The following CLDN14 variants were observed in gnomAD, a reference collection of about 807,000 sequenced individuals.
CLDN14 encodes the protein claudin 14, also known as claudin-14.
CLDN14 carries 2 observed loss-of-function variants against 2.1 expected under a neutral mutation model. The ratio of observed to expected loss-of-function variants is 0.96; its 90% CI spans 0.39 to 3.01. CLDN14 has a LOEUF of 3.01. Among genes scored for constraint, CLDN14 ranks in the 30% most tolerant of loss-of-function variants. The probability of loss-of-function intolerance (pLI) is 0.09; values close to 1 mark genes in which losing one functional copy is unlikely to be tolerated. For missense variants in CLDN14, 298 were observed against 328.0 expected (o/e 0.91, Z 0.71); for synonymous variants, 136 against 154.4 (o/e 0.88, Z 0.88).
intron 1 of CLDN14, among the ~76,000 whole-genome samples, chr21:36,558,074 CAAA>C (rs2087611220): frequency 6.6e-6 from 1 of 152,110 alleles, no homozygotes; most frequent in Admixed American, 6.5e-5. Context: ...TCACCCTTGT[CAAA>C]AATCAGTTGA....
intron 1 of CLDN14, among the ~76,000 whole-genome samples, chr21:36,462,951 A>C (rs1216048533): frequency 3.3e-5 from 5 of 151,614 alleles, no homozygotes; most frequent in Non-Finnish European, 4.4e-5. Context: ...ACAAAAAAAA[A>C]CACTAGGAAA....
At chr21:36,475,688 C>T (rs2086769650) in intron 1 of CLDN14, among the ~76,000 whole-genome samples, 1 of 152,200 alleles carries the variant, frequency 6.6e-6, no homozygotes, top group Non-Finnish European at 1.5e-5. Flanking sequence ...GTAGCTGGAA[C>T]TTCAGGTGTG....
chr21:36,482,350 ATGGATGGATG>A (rs1378358247), upstream of CLDN14, among the ~76,000 whole-genome samples: 1 of 149,542 alleles, frequency 6.7e-6, no homozygotes, highest in Non-Finnish European at 1.5e-5. Flanking sequence ...GGATGGATGG[ATGGATGGATG>A]GATAGACTGA....
chr21:36,502,627 G>A (rs1208300996), intron 2 of CLDN14, among the ~76,000 whole-genome samples: 1 of 152,148 alleles, frequency 6.6e-6, no homozygotes, highest in Non-Finnish European at 1.5e-5. Context: ...ATAATGTTGG[G>A]TGTGTAAGAA....
intron 1 of CLDN14, among the ~76,000 whole-genome samples, chr21:36,576,144 T>C (rs926131672): frequency 2.0e-5 from 3 of 152,086 alleles, no homozygotes; most frequent in African/African-American, 7.2e-5. Context: ...CCCAGATATA[T>C]AAACCTGCCT....
At chr21:36,511,466 A>G (rs2087186111) in intron 1 of CLDN14, among the ~76,000 whole-genome samples, 1 of 152,294 alleles carries the variant, frequency 6.6e-6, no homozygotes, top group African/African-American at 2.4e-5. Context: ...TCCATAATCA[A>G]TAGTAGTTTA....
chr21:36,565,421 C>CTT (rs35387904), intron 1 of CLDN14, among the ~76,000 whole-genome samples: 111,644 of 149,598 alleles, frequency 0.75, 42,891 homozygotes, highest in Non-Finnish European at 0.86. Flanking sequence ...TTTCCCAAAT[C>CTT]TTTTTTTTTT....
At chr21:36,525,694 C>A (rs966971824) in intron 1 of CLDN14, among the ~76,000 whole-genome samples, 1 of 152,162 alleles carries the variant, frequency 6.6e-6, no homozygotes, top group African/African-American at 2.4e-5. Flanking sequence ...GTGTGCTGGG[C>A]AGATGCCCTC....
chr21:36,561,816 C>A (rs1300142268), intron 1 of CLDN14, among the ~76,000 whole-genome samples: 3 of 152,150 alleles, frequency 2.0e-5, no homozygotes, highest in African/African-American at 4.8e-5. Flanking sequence ...TCTTCTAGGG[C>A]TGGAAGGAGC....
intron 1 of CLDN14, 30 bp from the exon 2 acceptor site, chr21:36,461,806 G>C: frequency 7.0e-7 from 1 of 1,421,868 alleles, no homozygotes; most frequent in Non-Finnish European, 9.5e-7. Flanking sequence ...CGGGAGCAGG[G>C]AGAGAAAGGA....
At chr21:36,568,904 T>G (rs544075272) in intron 1 of CLDN14, among the ~76,000 whole-genome samples, 1 of 152,236 alleles carries the variant, frequency 6.6e-6, no homozygotes, top group Non-Finnish European at 1.5e-5. Context: ...TCAACTTATT[T>G]GATTAACCAG....
intron 2 of CLDN14, among the ~76,000 whole-genome samples, chr21:36,500,172 C>T (rs544116930): frequency 2.0e-4 from 30 of 152,214 alleles, no homozygotes; most frequent in Middle Eastern, 6.8e-3. Context: ...AGCCTAACAC[C>T]AGCCCCAGCA....
intron 1 of CLDN14, among the ~76,000 whole-genome samples, chr21:36,539,624 G>A (rs2087466165): frequency 6.7e-6 from 1 of 149,174 alleles, no homozygotes; most frequent in Non-Finnish European, 1.5e-5. Context: ...TGGAGTGTGT[G>A]TGGAGTGAGT....
At chr21:36,500,272 G>A (rs2087081734) in intron 2 of CLDN14, among the ~76,000 whole-genome samples, 1 of 152,134 alleles carries the variant, frequency 6.6e-6, no homozygotes. Context: ...GCTCGCCTGA[G>A]GTCAGGCTGG....
At chr21:36,534,915 C>T (rs1242451586) in intron 1 of CLDN14, among the ~76,000 whole-genome samples, 1 of 152,162 alleles carries the variant, frequency 6.6e-6, no homozygotes, top group Non-Finnish European at 1.5e-5. Context: ...CCAGCGTAAT[C>T]TAACCATCAC....
chr21:36,460,912 C>T lies in CLDN14; in HGVS notation c.*64G>A. 1.3e-6 allele frequency: 2 copies of T among 1,572,196 alleles called. No individual in the cohort carries two copies. The highest frequency in any genetic ancestry group is 1.7e-6 in the Non-Finnish European group (2 of 1,156,268). On this transcript the variant is annotated 3_prime_UTR_variant, in exon 2 of 2. Coordinates refer to ENST00000399135, the MANE Select transcript of CLDN14 (RefSeq NM_001146079.2). This position sits in a 1 kb window ranked among gnomAD's most constrained non-coding sequence, Gnocchi z 4.0. ...AAACTTTGTGCTGGAACCCCTGCCT[C>T]CATTGACAGTCCCGCCGGGGACCCA...
In CLDN14 at chr21:36,461,742, G is replaced by A. The variant is rs1052311905; in HGVS notation, c.-47C>T. ...CAGCCGGGCAGCTCCCTGGGCCCTC[G>A]GGGTCACGCCGCTCCTCAGGTGCCA... On this transcript the variant is annotated 5_prime_UTR_variant, in exon 2 of 2. Transcript: ENST00000399135. 28 of 1,540,024 alleles carry A rather than the reference G, an allele frequency of 1.8e-5. No individual in the cohort carries two copies. Among genetic ancestry groups the A allele is most frequent in the Middle Eastern group, 2.2e-4 (1 of 4,566 alleles).
chr21:36,483,451 C>T (rs1435437847), upstream of CLDN14, among the ~76,000 whole-genome samples: 1 of 152,206 alleles, frequency 6.6e-6, no homozygotes, highest in Non-Finnish European at 1.5e-5. Context: ...AGTTCCTGAC[C>T]CTTTGTCTGG....
intron 1 of CLDN14, among the ~76,000 whole-genome samples, chr21:36,532,600 A>T (rs1031053268): frequency 6.6e-6 from 1 of 151,964 alleles, no homozygotes; most frequent in Non-Finnish European, 1.5e-5. Context: ...GTATAATAAT[A>T]ATAAAATTAA....
Sources: gnomAD v4.1 joint callset for allele counts (sites outside exome capture counted in the v4.1 genomes callset) on GRCh38, gnomAD v4.1.1 for gene constraint, Gnocchi (gnomAD v3.1) non-coding constraint, MANE v1.5 for transcripts, NCBI Gene and HGNC (gene_info 2026-07-23, HGNC 2026-07-21) for gene names.